CDH12: variants seen among roughly 807,000 people sequenced by gnomAD.
CDH12 encodes the protein cadherin-12.
A neutral mutation model predicts 74.1 loss-of-function variants in CDH12; 41 were observed. The ratio of observed to expected loss-of-function variants is 0.55; its 90% CI spans 0.43 to 0.72. CDH12 has a LOEUF of 0.72. Among genes scored for constraint, CDH12 ranks in the 30% least tolerant of loss-of-function variants. CDH12 has a pLI of 0.00. For synonymous variants in CDH12, 399 were observed against 355.0 expected, an observed-to-expected ratio of 1.12 and a Z score of -1.39; for missense variants, 945 against 977.2, an observed-to-expected ratio of 0.97 and a Z score of 0.44.
chr5:22,833,092 T>C (rs1736689130), intron 1 of CDH12, among the ~76,000 whole-genome samples: 1 of 152,210 alleles, frequency 6.6e-6, no homozygotes, highest in Admixed American at 6.5e-5. Context: ...ATAACTGCTT[T>C]TCAAGGTTTC....
chr5:22,021,516 A>C (rs190958902), intron 5 of CDH12, among the ~76,000 whole-genome samples: 2 of 152,312 alleles, frequency 1.3e-5, no homozygotes, highest in African/African-American at 4.8e-5. Context: ...CCCTGACTTA[A>C]GGTGGTTTGA....
chr5:22,111,795 C>G (rs1580267481), intron 4 of CDH12, among the ~76,000 whole-genome samples: 1 of 152,112 alleles, frequency 6.6e-6, no homozygotes, highest in East Asian at 1.9e-4. Context: ...AGAGAAAGTT[C>G]TTACAAAGCC....
At chr5:22,833,634 T>C (rs1365610290) in intron 1 of CDH12, among the ~76,000 whole-genome samples, 1 of 152,208 alleles carries the variant, frequency 6.6e-6, no homozygotes, top group Non-Finnish European at 1.5e-5. Flanking sequence ...TGGTTTCTTT[T>C]CTTTGTTTAT....
At chr5:22,215,025 A>G (rs537315952) in intron 3 of CDH12, among the ~76,000 whole-genome samples, 2 of 152,318 alleles carry the variant, frequency 1.3e-5, no homozygotes, top group East Asian at 1.9e-4. Context: ...CATGAAAATA[A>G]CAGGTACTGT....
chr5:22,646,119 A>G (rs1422029289), intron 1 of CDH12, among the ~76,000 whole-genome samples: 1 of 151,912 alleles, frequency 6.6e-6, no homozygotes, highest in Non-Finnish European at 1.5e-5. Flanking sequence ...CCCTACCAAA[A>G]AAGACACATT....
At chr5:22,151,798 G>T (rs1056293357) in intron 4 of CDH12, 2 of 152,084 alleles carry the variant, frequency 1.3e-5, no homozygotes, top group African/African-American at 4.8e-5. Context: ...TAATTACCAA[G>T]ATTTTATTGT....
chr5:22,651,615 A>T (rs1739742417), intron 1 of CDH12, among the ~76,000 whole-genome samples: 1 of 151,928 alleles, frequency 6.6e-6, no homozygotes, highest in Non-Finnish European at 1.5e-5. Flanking sequence ...ACACATGGGG[A>T]TTATGAGGAT....
At chr5:22,106,917 A>G (rs1272596525) in intron 4 of CDH12, among the ~76,000 whole-genome samples, 2 of 152,212 alleles carry the variant, frequency 1.3e-5, no homozygotes, top group Admixed American at 1.3e-4. Context: ...GAAGAGGAGT[A>G]AAAATCTAAT....
intron 4 of CDH12, among the ~76,000 whole-genome samples, chr5:22,174,571 T>C (rs1384189981): frequency 5.3e-5 from 8 of 151,924 alleles, no homozygotes; most frequent in Admixed American, 3.3e-4. Flanking sequence ...CTGACATAGC[T>C]TTAGGTAAGA....
chr5:21,790,924 A>G (rs2149907416), intron 10 of CDH12, among the ~76,000 whole-genome samples: 1 of 152,164 alleles, frequency 6.6e-6, no homozygotes, highest in Admixed American at 6.6e-5. Context: ...TCCAGGCTCT[A>G]TTTCACACAA....
chr5:22,776,774 GTTCT>G lies in CDH12; in HGVS notation c.-523+76280_-523+76283del, dbSNP rs138874341. On this transcript the variant is annotated intron_variant, in intron 1 of 14. Coordinates refer to ENST00000382254, the MANE Select transcript of CDH12 (RefSeq NM_004061.5). ...CAGTTTACAACCTTATGTCAGAATGGTTCTTTCTTTATTATCAATATTTTCATTG... is the reference window on the plus strand; with the variant it reads ...CAGTTTACAACCTTATGTCAGAATGGTTCTTTATTATCAATATTTTCATTG... 8.3e-3 allele frequency among the ~76,000 whole-genome samples: 1,266 copies of G among 152,100 alleles called. 9 individuals are homozygous for G. Among genetic ancestry groups the G allele is most frequent in the Non-Finnish European group, 0.014 (963 of 67,984 alleles).
At chr5:22,166,542 T>C (rs1333658611) in intron 4 of CDH12, among the ~76,000 whole-genome samples, 2 of 152,330 alleles carry the variant, frequency 1.3e-5, no homozygotes, top group East Asian at 3.9e-4. Flanking sequence ...CTAAAAAGAT[T>C]TTAAAAGTAG....
At chr5:21,764,405 A>G (rs1249438079) in intron 12 of CDH12, among the ~76,000 whole-genome samples, 3 of 150,784 alleles carry the variant, frequency 2.0e-5, no homozygotes, top group African/African-American at 7.3e-5. Flanking sequence ...ATTAAAAAAA[A>G]GAAAGAAATT....
At chr5:21,973,081 G>A (rs554999143) in intron 6 of CDH12, among the ~76,000 whole-genome samples, 1 of 151,552 alleles carries the variant, frequency 6.6e-6, no homozygotes, top group South Asian at 2.1e-4. Flanking sequence ...TAGGCAGAGT[G>A]GCACATGACT....
At chr5:21,761,435 A>G (rs1188715442) in intron 12 of CDH12, among the ~76,000 whole-genome samples, 1 of 152,146 alleles carries the variant, frequency 6.6e-6, no homozygotes, top group Non-Finnish European at 1.5e-5. Flanking sequence ...AACATATCCA[A>G]TGGCTGTGCA....
chr5:22,056,401 A>G (rs1740747416), intron 5 of CDH12, among the ~76,000 whole-genome samples: 1 of 152,172 alleles, frequency 6.6e-6, no homozygotes, highest in African/African-American at 2.4e-5. Flanking sequence ...CTTAATGACT[A>G]TGTATCTACA....
At chr5:22,819,339 G>A (rs561024302) in intron 1 of CDH12, among the ~76,000 whole-genome samples, 6 of 151,924 alleles carry the variant, frequency 3.9e-5, no homozygotes, top group African/African-American at 1.4e-4. Flanking sequence ...ATAGTGTCTT[G>A]AGACATGAAG....
chr5:22,038,256 C>T (rs1398191878), intron 5 of CDH12, among the ~76,000 whole-genome samples: 3 of 152,266 alleles, frequency 2.0e-5, no homozygotes, highest in East Asian at 1.9e-4. Flanking sequence ...TGGCCCAACA[C>T]CCCCAAGCTA....
At chr5:21,809,987 A>G (rs909380258) in intron 9 of CDH12, among the ~76,000 whole-genome samples, 7 of 152,126 alleles carry the variant, frequency 4.6e-5, no homozygotes, top group Admixed American at 3.9e-4. Context: ...AGAACATGTA[A>G]GAATTCATGA....
Sources: allele counts gnomAD v4.1 joint callset (sites outside exome capture counted in the v4.1 genomes callset), GRCh38; gene constraint gnomAD v4.1.1; transcripts MANE v1.5; gene names NCBI Gene and HGNC (gene_info 2026-07-23, HGNC 2026-07-21).